The following ARSB variants were observed in gnomAD, a reference collection of about 807,000 sequenced individuals.
ARSB encodes the protein N-acetylgalactosamine-4-sulfatase.
ARSB carries 41 observed loss-of-function variants against 50.9 expected under a neutral mutation model. The ratio of observed to expected loss-of-function variants is 0.81; its 90% CI spans 0.63 to 1.04. The LOEUF (loss-of-function observed/expected upper bound fraction) is 1.04, where lower values mean the gene tolerates loss of function less well. Among genes scored for constraint, ARSB ranks in the 50% least tolerant of loss-of-function variants. ARSB has a pLI of 0.00. For missense variants in ARSB, 672 were observed against 693.3 expected, an observed-to-expected ratio of 0.97 and a Z score of 0.35; for synonymous variants, 269 against 284.8, an observed-to-expected ratio of 0.94 and a Z score of 0.56.
chr5:78,781,862 C>T lies in ARSB; in HGVS notation c.1326G>A (p.Thr442=), dbSNP rs537543103. ...AGCTAAGGACTCTACCTGGGTAGCCCGTGAGGAGTTTCCAATTTCCATGTC... is the reference window on the plus strand; with the variant it reads ...AGCTAAGGACTCTACCTGGGTAGCCTGTGAGGAGTTTCCAATTTCCATGTC... ...AIRHGNWKLL[T]GYPGCGYWFP... is the part of the protein sequence containing the mutation. Residue 442 remains threonine (T), a synonymous_variant, in exon 7 of 8, where the codon ACG becomes ACA. Coordinates refer to ENST00000264914, the MANE Select transcript of ARSB (RefSeq NM_000046.5). 4.2e-5 allele frequency: 68 copies of T among 1,614,014 alleles called. No homozygotes were observed. In the South Asian group the frequency reaches 4.4e-4, roughly 10 times the overall value.
At chr5:78,886,949 T>A (rs1386899560) in intron 4 of ARSB, among the ~76,000 whole-genome samples, 1 of 152,174 alleles carries the variant, frequency 6.6e-6, no homozygotes, top group Non-Finnish European at 1.5e-5. Context: ...TAGGAGTGAC[T>A]CTGATTTTGC....
intron 1 of ARSB, among the ~76,000 whole-genome samples, chr5:78,984,010 A>G (rs937747604): frequency 9.2e-5 from 14 of 152,312 alleles, no homozygotes; most frequent in Admixed American, 5.9e-4. Flanking sequence ...TCTTAGAAAT[A>G]TGACAATCGT....
At chr5:78,925,318 T>C (rs969420282) in intron 4 of ARSB, among the ~76,000 whole-genome samples, 1 of 152,258 alleles carries the variant, frequency 6.6e-6, no homozygotes, top group Admixed American at 6.5e-5. Flanking sequence ...AATAAATCCC[T>C]GCAGAGAAAA....
chr5:78,777,873 T>TAAAAAAAAAA lies in ARSB; in HGVS notation c.*2523_*2524insTTTTTTTTTT, dbSNP rs1561419788. 1.5e-5 allele frequency: 2 copies of TAAAAAAAAAA among 135,734 alleles called. No homozygotes were observed. The highest frequency in any genetic ancestry group is 5.8e-5 in the African/African-American group (2 of 34,594). The allele number at this position is 135,734 out of a possible 1,614,324, so 8.4% of individuals were successfully genotyped here. A position where few individuals can be genotyped will look rare whatever the true frequency, so the allele number is the denominator to read the frequency against. ...TCTCAAAAAAAAAAAAAAAAAAAAT[T>TAAAAAAAAAA]GGAAAGAAATAACATTATTTCTAAC... On this transcript the variant is annotated 3_prime_UTR_variant, in exon 8 of 8. Coordinates refer to ENST00000264914, the MANE Select transcript of ARSB (RefSeq NM_000046.5).
At chr5:78,882,811 T>C (rs1276150306) in intron 5 of ARSB, 1 of 131,338 alleles carries the variant, frequency 7.6e-6, no homozygotes, top group Non-Finnish European at 1.6e-5. Flanking sequence ...TGAGACGGAG[T>C]CTTACTCTGT....
intron 4 of ARSB, among the ~76,000 whole-genome samples, chr5:78,926,818 G>A (rs1224511308): frequency 1.3e-5 from 2 of 152,214 alleles, no homozygotes; most frequent in Admixed American, 1.3e-4. Context: ...GAAACAAAAT[G>A]TGAGCCACAA....
intron 5 of ARSB, among the ~76,000 whole-genome samples, chr5:78,850,240 C>T (rs1249171640): frequency 7.9e-5 from 12 of 152,220 alleles, no homozygotes; most frequent in Admixed American, 2.6e-4. Flanking sequence ...CCCATCAATA[C>T]CTAATTTATT....
At chr5:78,781,819 G>C in intron 7 of ARSB, 33 bp downstream of exon 7, 10 of 1,613,676 alleles carry the variant, frequency 6.2e-6, no homozygotes, top group Non-Finnish European at 8.5e-6. Context: ...TGTCTACCAC[G>C]GGAAGGGAAG....
At chr5:78,800,178 C>T (rs1040032891) in intron 6 of ARSB, among the ~76,000 whole-genome samples, 5 of 151,944 alleles carry the variant, frequency 3.3e-5, no homozygotes, top group Admixed American at 6.6e-5. Context: ...ATTAGCTGGG[C>T]GTGGTGGTGT....
chr5:78,940,230 T>C (rs1452787360), intron 4 of ARSB, among the ~76,000 whole-genome samples: 1 of 152,194 alleles, frequency 6.6e-6, no homozygotes, highest in Non-Finnish European at 1.5e-5. Context: ...ATTCTGAAGG[T>C]TGCCTGTTCA....
chr5:78,825,499 C>A (rs1381993597), intron 6 of ARSB, among the ~76,000 whole-genome samples: 1 of 152,136 alleles, frequency 6.6e-6, no homozygotes, highest in African/African-American at 2.4e-5. Context: ...CCTTTTCAGT[C>A]TCTAACATTT....
chr5:78,824,574 G>A (rs1208745387), intron 6 of ARSB, among the ~76,000 whole-genome samples: 2 of 152,192 alleles, frequency 1.3e-5, no homozygotes, highest in Non-Finnish European at 2.9e-5. Context: ...TAGGGTAATA[G>A]ACCAGATGTG....
At chr5:78,800,463 T>TC (rs1404549837) in intron 6 of ARSB, among the ~76,000 whole-genome samples, 2 of 151,932 alleles carry the variant, frequency 1.3e-5, no homozygotes, top group African/African-American at 4.8e-5. Context: ...GAAAAAGCAC[T>TC]CCCCCTTAAC....
chr5:78,784,241 T>C (rs1317564951), intron 6 of ARSB, among the ~76,000 whole-genome samples: 1 of 152,130 alleles, frequency 6.6e-6, no homozygotes, highest in Non-Finnish European at 1.5e-5. Flanking sequence ...TTAGTAAAGG[T>C]ATTATGGAAG....
chr5:78,797,738 G>T (rs1311464125), intron 6 of ARSB, among the ~76,000 whole-genome samples: 10 of 152,158 alleles, frequency 6.6e-5, no homozygotes. Context: ...ATAGCTTTAT[G>T]GGTAACCCCT....
At chr5:78,836,940 G>T (rs968679968) in intron 6 of ARSB, among the ~76,000 whole-genome samples, 1 of 152,100 alleles carries the variant, frequency 6.6e-6, no homozygotes, top group Middle Eastern at 3.2e-3. Flanking sequence ...GAGAGCGAAG[G>T]GGGAGGTGCC....
chr5:78,791,405 G>A (rs1689830124), intron 6 of ARSB, among the ~76,000 whole-genome samples: 1 of 152,204 alleles, frequency 6.6e-6, no homozygotes, highest in Non-Finnish European at 1.5e-5. Context: ...CTAAACATCT[G>A]ATTGGCTGAC....
Position 78,984,966 on chromosome 5 carries a change from G to C in ARSB, c.283C>G (p.Arg95Gly). 2 of 1,490,180 alleles carry C rather than the reference G, an allele frequency of 1.3e-6. No individual in the cohort carries two copies. Among genetic ancestry groups the C allele is most frequent in the East Asian group, 5.6e-5 (2 of 35,824 alleles). The allele number at this position is 1,490,180 out of a possible 1,614,324, so 92.3% of individuals were successfully genotyped here. ...TAGCGGCCAGTGAGCAGCTGGCTCC[G>C]CGACGGCGTGCACAGCGGCTGCGTG... ...YYTQPLCTPSRSQLLTGRYQI... is the reference protein window; with the variant it reads ...YYTQPLCTPSGSQLLTGRYQI... The change falls in exon 1 of 8, where the codon CGG (arginine) becomes GGG (glycine). Residue 95 changes from arginine (R) to glycine (G), a missense_variant. Physicochemically the swap from Arg to Gly is moderately radical, Grantham distance 125. Coordinates refer to ENST00000264914, the MANE Select transcript of ARSB (RefSeq NM_000046.5).
In ARSB at chr5:78,841,171, A is replaced by ACTACTACTAC. The variant is rs1554074366; in HGVS notation, c.1143-1746_1143-1745insGTAGTAGTAG. On this transcript the variant is annotated intron_variant, in intron 5 of 7. Transcript: ENST00000264914. Reference sequence around the variant, plus strand: ...ACTACTACTACTACTACTACTACTAATAATAATAATAATTTGAGCATGGTG... The same window carrying ACTACTACTAC: ...ACTACTACTACTACTACTACTACTAACTACTACTACTAATAATAATAATTTGAGCATGGTG... Among the ~76,000 whole-genome samples the ACTACTACTAC allele has an allele frequency of 9.5e-3, 591 of 62,010 alleles. 4 individuals carry two copies. The highest frequency in any genetic ancestry group is 0.027 in the African/African-American group (492 of 18,114). 40.7% of individuals were successfully genotyped at this position (62,010 alleles called of 152,430 possible).
Sources: gnomAD v4.1 joint callset for allele counts (sites outside exome capture counted in the v4.1 genomes callset) on GRCh38, gnomAD v4.1.1 for gene constraint, MANE v1.5 for transcripts, NCBI Gene and HGNC (gene_info 2026-07-23, HGNC 2026-07-21) for gene names.